DKK3: variants seen among roughly 807,000 people sequenced by gnomAD.
The protein encoded by DKK3 is dickkopf-related protein 3.
DKK3 carries 22 observed loss-of-function variants against 33.2 expected under a neutral mutation model. The ratio of observed to expected loss-of-function variants is 0.66; its 90% CI spans 0.47 to 0.95. The LOEUF is 0.95. Among genes scored for constraint, DKK3 ranks in the 40% least tolerant of loss-of-function variants. The pLI is 0.00. For synonymous variants in DKK3, 194 were observed against 188.8 expected (o/e 1.03, Z -0.23); for missense variants, 398 against 458.4 (o/e 0.87, Z 1.20).
At chr11:11,973,608 T>C (rs1433805250) in intron 3 of DKK3, among the ~76,000 whole-genome samples, 1 of 152,176 alleles carries the variant, frequency 6.6e-6, no homozygotes, top group African/African-American at 2.4e-5. Flanking sequence ...ATGCAGTCAT[T>C]CAGAGGATGG....
In DKK3 at chr11:11,978,390, TTCTTCTTCTTCCTCTTCC is replaced by T. The variant is rs58938802; in HGVS notation, c.436-9921_436-9904del. Among the ~76,000 whole-genome samples, 1,374 of 138,154 alleles carry T rather than the reference TTCTTCTTCTTCCTCTTCC, an allele frequency of 9.9e-3. 22 individuals carry two copies. Among genetic ancestry groups the T allele is most frequent in the East Asian group, 0.047 (220 of 4,708 alleles). The allele number at this position is 138,154 out of a possible 152,430, so 90.6% of individuals were successfully genotyped here. A position where few individuals can be genotyped will look rare whatever the true frequency, so the allele number is the denominator to read the frequency against. On this transcript the variant is annotated intron_variant, in intron 3 of 6. Coordinates refer to ENST00000683431, the MANE Select transcript of DKK3 (RefSeq NM_001018057.2). ...GCTTTGTGAGCATGTGCAGCTTTTC[TTCTTCTTCTTCCTCTTCC>T]TCTTCTTCTTCCTCTTCCTCTTCTT...
intron 1 of DKK3, among the ~76,000 whole-genome samples, chr11:12,007,195 C>A (rs561115656): frequency 4.6e-5 from 7 of 152,100 alleles, no homozygotes; most frequent in Non-Finnish European, 1.0e-4. Flanking sequence ...CAAAGGGCTG[C>A]GGGGAGAAAG....
intron 2 of DKK3, among the ~76,000 whole-genome samples, chr11:11,999,571 G>A (rs375577501): frequency 1.8e-4 from 27 of 152,324 alleles, no homozygotes; most frequent in East Asian, 5.8e-4. Context: ...GTTGCAGTGA[G>A]CCGAAATCGT....
chr11:12,008,611 G>A lies in DKK3; in HGVS notation c.-29C>T, dbSNP rs762153510. 35 of 1,371,140 alleles carry A rather than the reference G, an allele frequency of 2.6e-5. No homozygotes were observed. The African/African-American group carries it at 5.2e-4, about 20-fold the overall frequency. The allele number at this position is 1,371,140 out of a possible 1,614,324, so 84.9% of individuals were successfully genotyped here. A position where few individuals can be genotyped will look rare whatever the true frequency, so the allele number is the denominator to read the frequency against. On this transcript the variant is annotated 5_prime_UTR_variant, in exon 1 of 7. Transcript: ENST00000683431. The surrounding 1 kb of genome is among the most constrained non-coding windows in gnomAD (Gnocchi z 4.6). ...CGCTCTGCGCCCGCAGCCGCCGCCT[G>A]TGTGTCCCGGAACGCGATCAGAGGC...
At position 11,998,803 on chromosome 11, in the gene DKK3, A is replaced by C. The variant is rs1388284176; in HGVS notation, c.352-24T>G. 1.9e-6 allele frequency: 3 copies of C among 1,588,660 alleles called. No homozygotes were observed. The African/African-American group carries it at 4.0e-5, about 21-fold the overall frequency. ...ATCTACAGTAAAACAGGTACAATGA[A>C]AGTAAAATAGAAGGAATTCTGGACA... On this transcript the variant is annotated intron_variant, in intron 2 of 6. Coordinates refer to ENST00000683431, the MANE Select transcript of DKK3 (RefSeq NM_001018057.2).
chr11:11,992,930 C>A (rs1401960978), intron 3 of DKK3, among the ~76,000 whole-genome samples: 2 of 151,956 alleles, frequency 1.3e-5, no homozygotes, highest in African/African-American at 4.8e-5. Flanking sequence ...ACGAAGATAT[C>A]TTTTTTCTTT....
intron 3 of DKK3, among the ~76,000 whole-genome samples, chr11:11,974,463 G>A (rs984776941): frequency 1.8e-4 from 28 of 152,138 alleles, no homozygotes; most frequent in African/African-American, 6.8e-4. Context: ...ATCTGGTGAG[G>A]GCCTTCTTGC....
chr11:11,978,089 G>T (rs930341230), intron 3 of DKK3, among the ~76,000 whole-genome samples: 4 of 152,208 alleles, frequency 2.6e-5, no homozygotes, highest in African/African-American at 9.7e-5. Flanking sequence ...TCTATAGGGT[G>T]TCTTGTATTT....
At chr11:11,990,156 A>G (rs1219210728) in intron 3 of DKK3, among the ~76,000 whole-genome samples, 1 of 152,240 alleles carries the variant, frequency 6.6e-6, no homozygotes, top group Admixed American at 6.5e-5. Flanking sequence ...CTTGTCTGGA[A>G]GAATCCCCAG....
chr11:11,995,768 G>A (rs577735488), intron 3 of DKK3, among the ~76,000 whole-genome samples: 12 of 152,342 alleles, frequency 7.9e-5, no homozygotes, highest in African/African-American at 2.9e-4. Context: ...GTGAAGTGGG[G>A]CAGGCGGCAA....
In DKK3 at chr11:12,008,611, G is replaced by T; in HGVS notation, c.-29C>A. 7.3e-7 allele frequency: 1 copy of T among 1,371,248 alleles called. No individual in the cohort carries two copies. 84.9% of individuals were successfully genotyped at this position (1,371,248 alleles called of 1,614,324 possible). On this transcript the variant is annotated 5_prime_UTR_variant, in exon 1 of 7. Coordinates refer to ENST00000683431, the MANE Select transcript of DKK3 (RefSeq NM_001018057.2). This position sits in a 1 kb window ranked among gnomAD's most constrained non-coding sequence, Gnocchi z 4.6. ...CGCTCTGCGCCCGCAGCCGCCGCCTGTGTGTCCCGGAACGCGATCAGAGGC... is the reference window on the plus strand; with the variant it reads ...CGCTCTGCGCCCGCAGCCGCCGCCTTTGTGTCCCGGAACGCGATCAGAGGC...
intron 1 of DKK3, among the ~76,000 whole-genome samples, chr11:12,006,403 G>C (rs749332057): frequency 2.6e-5 from 4 of 152,180 alleles, no homozygotes; most frequent in Non-Finnish European, 4.4e-5. Context: ...CTCCACTTCA[G>C]ACTCGGAACG....
rs1044482957 is a variant in DKK3, at chr11:12,008,095, G to A, written c.213+275C>T. Among the ~76,000 whole-genome samples, 17 of 152,092 alleles carry A rather than the reference G, an allele frequency of 1.1e-4. No individual in the cohort carries two copies. Among genetic ancestry groups the A allele is most frequent in the Non-Finnish European group, 2.9e-5 (2 of 68,032 alleles). Reference sequence around the variant, plus strand: ...GCCAACGGCATGCCTGACGCCAACTGCAGGCAGGTGGTGGCCCCAGCTACC... The same window carrying A: ...GCCAACGGCATGCCTGACGCCAACTACAGGCAGGTGGTGGCCCCAGCTACC... On this transcript the variant is annotated intron_variant, in intron 1 of 6. Transcript: ENST00000683431. This position sits in a 1 kb window ranked among gnomAD's most constrained non-coding sequence, Gnocchi z 4.6.
At chr11:11,993,683 G>A (rs1443954935) in intron 3 of DKK3, among the ~76,000 whole-genome samples, 1 of 152,098 alleles carries the variant, frequency 6.6e-6, no homozygotes, top group Non-Finnish European at 1.5e-5. Flanking sequence ...TAATGCAAGT[G>A]GGCCTTATAT....
chr11:11,966,485 G>A (rs953178002), intron 5 of DKK3, among the ~76,000 whole-genome samples: 5 of 152,296 alleles, frequency 3.3e-5, no homozygotes, highest in Middle Eastern at 3.4e-3. Flanking sequence ...GGAAGATCAC[G>A]GAGGCGGCAG....
At chr11:11,979,411 A>G (rs1286231075) in intron 3 of DKK3, among the ~76,000 whole-genome samples, 1 of 152,212 alleles carries the variant, frequency 6.6e-6, no homozygotes, top group African/African-American at 2.4e-5. Flanking sequence ...TCCGGGAGAA[A>G]TGCTTCCGGT....
At position 11,968,491 on chromosome 11, in the gene DKK3, G is replaced by A; in HGVS notation, c.436-4C>T. ...AGTCCTCGTCGATGATGCACTCCTG[G>A]GGAAGGGCACAGGGAGCAGATGTGT... On this transcript the variant is annotated splice_region_variant and splice_polypyrimidine_tract_variant and intron_variant, in intron 3 of 6. Coordinates refer to ENST00000683431, the MANE Select transcript of DKK3 (RefSeq NM_001018057.2). 1.2e-6 allele frequency: 2 copies of A among 1,612,676 alleles called. No homozygotes were observed. The highest frequency in any genetic ancestry group is 8.5e-7 in the Non-Finnish European group (1 of 1,179,274).
intron 5 of DKK3, 99 bp from the exon 6 acceptor site, chr11:11,966,064 C>G: frequency 1.4e-6 from 2 of 1,386,364 alleles, no homozygotes; most frequent in Non-Finnish European, 1.9e-6. Flanking sequence ...CACCTCCCAC[C>G]CTCAACCCCA....
intron 3 of DKK3, among the ~76,000 whole-genome samples, chr11:11,989,931 A>G (rs1848153626): frequency 6.6e-6 from 1 of 152,136 alleles, no homozygotes; most frequent in Non-Finnish European, 1.5e-5. Flanking sequence ...TATCATTGTC[A>G]TGTGGATCGT....
Sources: gnomAD v4.1 joint callset for allele counts (sites outside exome capture counted in the v4.1 genomes callset) on GRCh38, gnomAD v4.1.1 for gene constraint, Gnocchi (gnomAD v3.1) non-coding constraint, MANE v1.5 for transcripts, NCBI Gene and HGNC (gene_info 2026-07-23, HGNC 2026-07-21) for gene names.